The following RSPO2 variants were observed in gnomAD, a reference collection of about 807,000 sequenced individuals.
RSPO2 encodes the protein R-spondin-2.
A neutral mutation model predicts 30.9 loss-of-function variants in RSPO2; 14 were observed. That is an observed-to-expected ratio of 0.45 (90% CI 0.30 to 0.71). The LOEUF (loss-of-function observed/expected upper bound fraction) is 0.71. Ranked by LOEUF, RSPO2 falls within the 30% of genes least tolerant of loss-of-function variation. The probability of loss-of-function intolerance (pLI) is 0.08; values close to 1 mark genes in which losing one functional copy is unlikely to be tolerated. For synonymous variants in RSPO2, 107 were observed against 96.4 expected, an observed-to-expected ratio of 1.11 and a Z score of -0.64; for missense variants, 264 against 301.9, an observed-to-expected ratio of 0.87 and a Z score of 0.93.
At chr8:107,949,847 T>TG (rs1813185013) in intron 5 of RSPO2, among the ~76,000 whole-genome samples, 7 of 152,180 alleles carry the variant, frequency 4.6e-5, no homozygotes, top group Admixed American at 4.6e-4. Context: ...AACCTGCACT[T>TG]GTACCCTTTA....
At chr8:108,064,403 C>G (rs1471979745) in intron 2 of RSPO2, among the ~76,000 whole-genome samples, 1 of 152,164 alleles carries the variant, frequency 6.6e-6, no homozygotes, top group Non-Finnish European at 1.5e-5. Flanking sequence ...ATTTTTGTAG[C>G]CAACAGGCAC....
At chr8:108,079,132 A>G (rs1315344069) in intron 2 of RSPO2, among the ~76,000 whole-genome samples, 3 of 152,334 alleles carry the variant, frequency 2.0e-5, no homozygotes, top group Admixed American at 2.0e-4. Context: ...ATAGCCAATC[A>G]TGACTATTTT....
At chr8:108,025,144 T>C (rs762585320) in intron 2 of RSPO2, among the ~76,000 whole-genome samples, 5 of 152,364 alleles carry the variant, frequency 3.3e-5, no homozygotes, top group Non-Finnish European at 7.3e-5. Flanking sequence ...TATACACTTA[T>C]ACTTCCTAGC....
At chr8:108,041,595 G>C (rs1378411487) in intron 2 of RSPO2, among the ~76,000 whole-genome samples, 4 of 152,118 alleles carry the variant, frequency 2.6e-5, no homozygotes, top group African/African-American at 9.7e-5. Context: ...AGTGTGGTGG[G>C]AATGAGAGAA....
chr8:107,910,814 T>C (rs914453381), intron 5 of RSPO2, among the ~76,000 whole-genome samples: 5 of 152,048 alleles, frequency 3.3e-5, no homozygotes, highest in African/African-American at 1.2e-4. Context: ...TCCCAGCACT[T>C]TGGGAGGCTG....
At chr8:107,925,660 T>A (rs935990700) in intron 5 of RSPO2, among the ~76,000 whole-genome samples, 1 of 151,948 alleles carries the variant, frequency 6.6e-6, no homozygotes. Context: ...TGGTGTTTGG[T>A]TTTTTGTCCT....
At chr8:107,991,525 T>C (rs1437545692) in intron 2 of RSPO2, among the ~76,000 whole-genome samples, 3 of 152,212 alleles carry the variant, frequency 2.0e-5, no homozygotes, top group South Asian at 2.1e-4. Flanking sequence ...CCAAAAGCAA[T>C]TGCAACAAAA....
At chr8:108,004,822 A>G (rs1350674553) in intron 2 of RSPO2, among the ~76,000 whole-genome samples, 3 of 152,172 alleles carry the variant, frequency 2.0e-5, no homozygotes, top group Non-Finnish European at 4.4e-5. Flanking sequence ...ATTTTTCAGT[A>G]ATCAGTATGT....
At chr8:108,055,286 G>C (rs920827231) in intron 2 of RSPO2, among the ~76,000 whole-genome samples, 1 of 152,168 alleles carries the variant, frequency 6.6e-6, no homozygotes, top group Non-Finnish European at 1.5e-5. Context: ...GTGTATGAGA[G>C]ACAGAAAGAA....
chr8:107,935,355 T>C (rs886252528), intron 5 of RSPO2, among the ~76,000 whole-genome samples: 2 of 152,136 alleles, frequency 1.3e-5, no homozygotes, highest in African/African-American at 4.8e-5. Context: ...AAAATGGATA[T>C]AATCTAAATA....
chr8:107,963,976 A>C (rs1309030819), intron 3 of RSPO2, among the ~76,000 whole-genome samples: 2 of 152,212 alleles, frequency 1.3e-5, no homozygotes, highest in African/African-American at 2.4e-5. Flanking sequence ...CACATGTTCA[A>C]TAGTGTTGCT....
intron 3 of RSPO2, among the ~76,000 whole-genome samples, chr8:107,965,795 C>A (rs776832785): frequency 1.3e-5 from 2 of 152,124 alleles, no homozygotes; most frequent in African/African-American, 2.4e-5. Flanking sequence ...ATTGCACATG[C>A]ACTGTATTTC....
chr8:108,053,360 GAAATCCTTCCTCTTGACCAA>G (rs1419641940), intron 2 of RSPO2, among the ~76,000 whole-genome samples: 2 of 152,132 alleles, frequency 1.3e-5, no homozygotes, highest in Non-Finnish European at 2.9e-5. Flanking sequence ...AAAAGAGTTG[GAAATCCTTCCTCTTGACCAA>G]AAATCCTTCC....
intron 2 of RSPO2, among the ~76,000 whole-genome samples, chr8:108,011,130 C>T (rs1366877112): frequency 1.5e-5 from 1 of 68,434 alleles, no homozygotes; most frequent in African/African-American, 7.9e-5. Flanking sequence ...GAGACTCCGT[C>T]CCAGAAAAAA....
chr8:107,934,657 C>A (rs1812658430), intron 5 of RSPO2, among the ~76,000 whole-genome samples: 1 of 152,186 alleles, frequency 6.6e-6, no homozygotes, highest in African/African-American at 2.4e-5. Flanking sequence ...CAGGTGTGAG[C>A]CACCATGCCT....
intron 3 of RSPO2, among the ~76,000 whole-genome samples, chr8:107,965,177 C>T (rs1226139427): frequency 6.6e-6 from 1 of 152,100 alleles, no homozygotes; most frequent in Non-Finnish European, 1.5e-5. Flanking sequence ...CTAGTTCAGC[C>T]AACTTACATG....
chr8:107,949,790 T>C (rs1361100395), intron 5 of RSPO2, among the ~76,000 whole-genome samples: 1 of 152,220 alleles, frequency 6.6e-6, no homozygotes, highest in Non-Finnish European at 1.5e-5. Flanking sequence ...ATTTGGGCGA[T>C]GGTTACACTA....
At chr8:107,944,374 T>C (rs905657816) in intron 5 of RSPO2, among the ~76,000 whole-genome samples, 3 of 152,200 alleles carry the variant, frequency 2.0e-5, no homozygotes, top group African/African-American at 7.2e-5. Context: ...ATATAATTTG[T>C]ATATCTAAAT....
chr8:107,904,297 T>TTTAAC (rs1811569636), intron 5 of RSPO2, among the ~76,000 whole-genome samples: 1 of 151,840 alleles, frequency 6.6e-6, no homozygotes, highest in Non-Finnish European at 1.5e-5. Flanking sequence ...AAGTCATGAA[T>TTTAAC]TTAACTTTAC....
Sources: allele counts gnomAD v4.1 joint callset (sites outside exome capture counted in the v4.1 genomes callset), GRCh38; gene constraint gnomAD v4.1.1; transcripts MANE v1.5; gene names NCBI Gene and HGNC (gene_info 2026-07-23, HGNC 2026-07-21).